The following ABCD2 variants were observed in gnomAD, a reference collection of about 807,000 sequenced individuals.
ABCD2 encodes the protein ATP binding cassette subfamily D member 2, also known as ATP-binding cassette sub-family D member 2.
A neutral mutation model predicts 70.9 loss-of-function variants in ABCD2; 36 were observed. The ratio of observed to expected loss-of-function variants is 0.51; its 90% CI spans 0.39 to 0.67. ABCD2 has a LOEUF of 0.67. ABCD2 is among the 30% of genes least tolerant of loss of function. ABCD2 has a pLI of 0.00. For missense variants in ABCD2, 729 were observed against 890.2 expected (o/e 0.82, Z 2.30); for synonymous variants, 304 against 306.9 (o/e 0.99, Z 0.10).
At position 39,572,604 on chromosome 12, in the gene ABCD2, T is replaced by C. The variant is rs1051217575; in HGVS notation, c.2003+1112A>G. Among the ~76,000 whole-genome samples the C allele has an allele frequency of 3.3e-5, 5 of 152,298 alleles. No individual in the cohort carries two copies. In the East Asian group the frequency reaches 5.8e-4, roughly 18 times the overall value. On this transcript the variant is annotated intron_variant, in intron 9 of 9. Coordinates refer to ENST00000308666, the MANE Select transcript of ABCD2 (RefSeq NM_005164.4). ...AGAATTTTGAACAATAAAAGCCTGA[T>C]TGGATGAATACTGTTTGCTAACAAT...
At chr12:39,559,391 A>G (rs1941219101) in intron 9 of ABCD2, among the ~76,000 whole-genome samples, 1 of 127,634 alleles carries the variant, frequency 7.8e-6, no homozygotes, top group Non-Finnish European at 1.6e-5. Context: ...AAAAAAAAAA[A>G]AAAAAAAAAA....
At chr12:39,559,603 C>G (rs1027682511) in intron 9 of ABCD2, among the ~76,000 whole-genome samples, 1 of 151,562 alleles carries the variant, frequency 6.6e-6, no homozygotes, top group Non-Finnish European at 1.5e-5. Context: ...TGCCAAAAAC[C>G]AAAGACAAAG....
At chr12:39,601,748 C>A (rs1308477205) in intron 5 of ABCD2, among the ~76,000 whole-genome samples, 1 of 151,930 alleles carries the variant, frequency 6.6e-6, no homozygotes, top group Non-Finnish European at 1.5e-5. Flanking sequence ...CATACTGGAC[C>A]TCAAAGATGA....
rs560155802 is a variant in ABCD2, at chr12:39,604,031, T to C, written c.1406-25A>G. The C allele has an allele frequency of 9.5e-6, 14 of 1,475,034 alleles. No homozygotes were observed. The South Asian group carries it at 1.3e-4, about 13-fold the overall frequency. 91.4% of individuals were successfully genotyped at this position (1,475,034 alleles called of 1,614,324 possible). A position where few individuals can be genotyped will look rare whatever the true frequency, so the allele number is the denominator to read the frequency against. The stretch of plus-strand genomic sequence containing the variant: ...CCTGTAATTAAGAAAAAGTGTAAGA[T>C]ACAAACATTATCACAGGTTTCTGAT... On this transcript the variant is annotated intron_variant, in intron 4 of 9. Transcript: ENST00000308666.
chr12:39,615,844 T>C (rs1488171080), intron 2 of ABCD2, among the ~76,000 whole-genome samples: 1 of 152,086 alleles, frequency 6.6e-6, no homozygotes, highest in Non-Finnish European at 1.5e-5. Flanking sequence ...AAAATAACTA[T>C]AAAACAGTGC....
intron 6 of ABCD2, among the ~76,000 whole-genome samples, chr12:39,594,670 A>G (rs1251923371): frequency 3.3e-5 from 5 of 152,230 alleles, no homozygotes; most frequent in African/African-American, 4.8e-5. Flanking sequence ...TCTTCCTTAG[A>G]AAAACAGTTG....
chr12:39,532,207 G>T, the ABCD2 span, among the ~76,000 whole-genome samples: 34 of 152,318 alleles, frequency 2.2e-4, no homozygotes, highest in African/African-American at 7.9e-4. Flanking sequence ...TATCATTAGA[G>T]ATGAAAAGGT....
At chr12:39,586,904 A>G (rs77154611) in intron 6 of ABCD2, among the ~76,000 whole-genome samples, 2,391 of 152,314 alleles carry the variant, frequency 0.016, 46 homozygotes, top group African/African-American at 0.053. Context: ...CTTACTAATC[A>G]GATTGGCAAA....
intron 8 of ABCD2, among the ~76,000 whole-genome samples, chr12:39,578,611 A>G (rs546378219): frequency 3.3e-5 from 5 of 151,770 alleles, no homozygotes; most frequent in African/African-American, 4.8e-5. Flanking sequence ...AAGGGCTTTA[A>G]TATTTCCTTC....
chr12:39,559,739 G>T (rs1448997389), intron 9 of ABCD2, among the ~76,000 whole-genome samples: 1 of 152,096 alleles, frequency 6.6e-6, no homozygotes, highest in Non-Finnish European at 1.5e-5. Flanking sequence ...ACGTGCTGAA[G>T]GGAAAAAACC....
intron 9 of ABCD2, among the ~76,000 whole-genome samples, chr12:39,572,113 T>G (rs533904763): frequency 6.6e-6 from 1 of 152,346 alleles, no homozygotes; most frequent in South Asian, 2.1e-4. Context: ...TGTTATTTAC[T>G]TAAAAAGAAT....
chr12:39,546,472 T>C (rs991905822), downstream of ABCD2, among the ~76,000 whole-genome samples: 5 of 152,112 alleles, frequency 3.3e-5, no homozygotes, highest in Non-Finnish European at 5.9e-5. Context: ...GGGTGGAGGT[T>C]ATATGAAGTT....
chr12:39,569,527 C>T (rs190740016), intron 9 of ABCD2, among the ~76,000 whole-genome samples: 5 of 152,308 alleles, frequency 3.3e-5, no homozygotes, highest in Non-Finnish European at 5.9e-5. Context: ...CGTCTGTCAA[C>T]CCTTACTTTG....
intron 9 of ABCD2, among the ~76,000 whole-genome samples, chr12:39,563,432 A>T (rs1430241607): frequency 6.6e-6 from 1 of 152,130 alleles, no homozygotes; most frequent in Admixed American, 6.6e-5. Flanking sequence ...TTTCTGTAAG[A>T]TACGGAACAA....
At chr12:39,540,873 T>C in the ABCD2 span, among the ~76,000 whole-genome samples, 2 of 152,322 alleles carry the variant, frequency 1.3e-5, no homozygotes, top group South Asian at 4.1e-4. Context: ...GGCTCATGCT[T>C]CCCTAAAATG....
intron 6 of ABCD2, among the ~76,000 whole-genome samples, chr12:39,594,962 G>A (rs1293227670): frequency 6.6e-6 from 1 of 152,006 alleles, no homozygotes; most frequent in Non-Finnish European, 1.5e-5. Context: ...TAAAAAATTA[G>A]CCGTGCATGG....
chr12:39,556,853 G>C (rs548456406), intron 9 of ABCD2, among the ~76,000 whole-genome samples: 95 of 151,960 alleles, frequency 6.3e-4, no homozygotes, highest in African/African-American at 2.1e-3. Flanking sequence ...GCGTGAAGGC[G>C]GGTGCCTGTA....
At chr12:39,604,134 C>CATATATGT in intron 4 of ABCD2, 128 bp from the exon 5 acceptor site, 1 of 671,556 alleles carries the variant, frequency 1.5e-6, no homozygotes, top group Non-Finnish European at 2.4e-6. Context: ...ATCACAGAAA[C>CATATATGT]AAATGTAAAT....
the ABCD2 span, among the ~76,000 whole-genome samples, chr12:39,534,764 AAGAAAGAAAG>A: frequency 7.0e-5 from 1 of 14,350 alleles, no homozygotes; most frequent in African/African-American, 1.4e-4. Context: ...AAGAAAGAGA[AAGAAAGAAAG>A]AAAGAAAGAA....
Sources: allele counts gnomAD v4.1 joint callset (sites outside exome capture counted in the v4.1 genomes callset), GRCh38; gene constraint gnomAD v4.1.1; transcripts MANE v1.5; gene names NCBI Gene and HGNC (gene_info 2026-07-23, HGNC 2026-07-21).